The following SH3RF1 variants were observed in gnomAD, a reference collection of about 807,000 sequenced individuals.
SH3RF1 encodes the protein SH3 domain containing ring finger 1.
A neutral mutation model predicts 74.0 loss-of-function variants in SH3RF1; 32 were observed. The observed-to-expected ratio is 0.43, with a 90% CI of 0.33 to 0.58. The LOEUF is 0.58. SH3RF1 is among the 20% of genes least tolerant of loss of function. The pLI, the probability that SH3RF1 is intolerant of heterozygous loss-of-function variation, is 0.05. For synonymous variants in SH3RF1, 396 were observed against 439.6 expected (o/e 0.90, Z 1.24); for missense variants, 954 against 1,130.9 (o/e 0.84, Z 2.24).
At position 169,096,514 on chromosome 4, in the gene SH3RF1, T is replaced by A. The variant is rs776102059; in HGVS notation, c.*5A>T. ...TGATTTTAAGCTTCTTCAGTGTCAG[T>A]CTCCTCATATGTTTTCCACAAAGCT... On this transcript the variant is annotated 3_prime_UTR_variant, in exon 12 of 12. Coordinates refer to ENST00000284637, the MANE Select transcript of SH3RF1 (RefSeq NM_020870.4). 2 of 1,611,816 alleles carry A rather than the reference T, an allele frequency of 1.2e-6. No homozygotes were observed. The highest frequency in any genetic ancestry group is 1.7e-6 in the Non-Finnish European group (2 of 1,179,144).
chr4:169,100,876 G>A (rs771625845), intron 11 of SH3RF1, among the ~76,000 whole-genome samples: 2 of 151,986 alleles, frequency 1.3e-5, no homozygotes, highest in South Asian at 2.1e-4. Flanking sequence ...CTTCCCCCAC[G>A]CCACACCTTG....
intron 4 of SH3RF1, among the ~76,000 whole-genome samples, chr4:169,139,385 T>C (rs879268051): frequency 6.6e-6 from 1 of 152,242 alleles, no homozygotes; most frequent in Admixed American, 6.5e-5. Context: ...CTAGCTACTT[T>C]TGCTCAACAA....
chr4:169,246,425 CG>C (rs1349015877), intron 2 of SH3RF1, among the ~76,000 whole-genome samples: 3 of 152,158 alleles, frequency 2.0e-5, no homozygotes, highest in Non-Finnish European at 4.4e-5. Context: ...TGTGCAACCC[CG>C]CTCATCTGTA....
At chr4:169,244,342 C>G (rs1006976474) in intron 2 of SH3RF1, among the ~76,000 whole-genome samples, 5 of 152,164 alleles carry the variant, frequency 3.3e-5, no homozygotes, top group Non-Finnish European at 7.3e-5. Context: ...AATCTGCAAA[C>G]CCCTCCACAC....
chr4:169,236,817 T>C (rs1002928521), intron 2 of SH3RF1, among the ~76,000 whole-genome samples: 14 of 152,158 alleles, frequency 9.2e-5, no homozygotes, highest in Non-Finnish European at 1.8e-4. Context: ...AAATGCTACA[T>C]ATGTAGGCTC....
intron 2 of SH3RF1, among the ~76,000 whole-genome samples, chr4:169,268,522 G>C (rs1731390457): frequency 6.6e-6 from 1 of 152,092 alleles, no homozygotes. Context: ...TTTAAAATGG[G>C]CACAGAACAA....
intron 2 of SH3RF1, among the ~76,000 whole-genome samples, chr4:169,178,170 G>C (rs1734450870): frequency 6.6e-6 from 1 of 151,580 alleles, no homozygotes; most frequent in African/African-American, 2.4e-5. Context: ...GAACCCAGGA[G>C]GTGGAGTTTG....
At chr4:169,223,928 T>C (rs1187715345) in intron 2 of SH3RF1, among the ~76,000 whole-genome samples, 4 of 152,178 alleles carry the variant, frequency 2.6e-5, no homozygotes, top group Non-Finnish European at 5.9e-5. Flanking sequence ...AGAAGGCCAG[T>C]GTAGCTGGAA....
At chr4:169,115,265 G>A (rs1457897521) in intron 10 of SH3RF1, among the ~76,000 whole-genome samples, 1 of 152,160 alleles carries the variant, frequency 6.6e-6, no homozygotes, top group Admixed American at 6.6e-5. Context: ...ACTGGGCCAT[G>A]GACCAGTACT....
At chr4:169,191,101 C>A (rs573219683) in intron 2 of SH3RF1, among the ~76,000 whole-genome samples, 1 of 152,044 alleles carries the variant, frequency 6.6e-6, no homozygotes, top group Admixed American at 6.6e-5. Context: ...CTATGACAAA[C>A]CCACAGCCAA....
intron 2 of SH3RF1, among the ~76,000 whole-genome samples, chr4:169,221,323 AG>A (rs1425440675): frequency 6.6e-6 from 1 of 152,198 alleles, no homozygotes; most frequent in Admixed American, 6.5e-5. Flanking sequence ...AAAAAAAAAT[AG>A]GTCTCTCCAA....
At chr4:169,228,777 T>C (rs931255705) in intron 2 of SH3RF1, among the ~76,000 whole-genome samples, 6 of 152,206 alleles carry the variant, frequency 3.9e-5, no homozygotes, top group African/African-American at 1.4e-4. Context: ...TATTTTATTT[T>C]TCATACAGAC....
At chr4:169,185,641 A>G (rs534419831) in intron 2 of SH3RF1, among the ~76,000 whole-genome samples, 1 of 152,242 alleles carries the variant, frequency 6.6e-6, no homozygotes, top group African/African-American at 2.4e-5. Context: ...GTGGAGGGAG[A>G]TAAGCTGACT....
In SH3RF1 at chr4:169,096,390, A is replaced by T. The variant is rs1343622737; in HGVS notation, c.*129T>A. On this transcript the variant is annotated 3_prime_UTR_variant, in exon 12 of 12. Transcript: ENST00000284637. ...GCTGGGGTAACTGTGCTGGGGCATC[A>T]GAGTCACATACCAATCCTTTGCTCA... 1.1e-6 allele frequency: 1 copy of T among 943,228 alleles called. No homozygotes were observed. Among genetic ancestry groups the T allele is most frequent in the Non-Finnish European group, 1.6e-6 (1 of 627,010 alleles). 58.4% of individuals were successfully genotyped at this position (943,228 alleles called of 1,614,324 possible). A position where few individuals can be genotyped will look rare whatever the true frequency, so the allele number is the denominator to read the frequency against.
chr4:169,129,384 C>A (rs1045500358), intron 6 of SH3RF1, among the ~76,000 whole-genome samples: 13 of 152,192 alleles, frequency 8.5e-5, no homozygotes, highest in Non-Finnish European at 1.9e-4. Flanking sequence ...TTTTAATTTT[C>A]TTTCCAGAAT....
intron 2 of SH3RF1, among the ~76,000 whole-genome samples, chr4:169,214,106 G>A (rs1730421583): frequency 1.3e-5 from 2 of 152,276 alleles, no homozygotes; most frequent in South Asian, 4.1e-4. Context: ...CTCAATGTTG[G>A]AGGTGGGGCC....
At position 169,120,404 on chromosome 4, in the gene SH3RF1, A is replaced by G. The variant is rs1029380859; in HGVS notation, c.1517+415T>C. Reference sequence around the variant, plus strand: ...CTGTGCCTCAATGTAACAGCAACTAAGAAGTAAGGTTAATCAGTGTAATGC... The same window carrying G: ...CTGTGCCTCAATGTAACAGCAACTAGGAAGTAAGGTTAATCAGTGTAATGC... On this transcript the variant is annotated intron_variant, in intron 8 of 11. Coordinates refer to ENST00000284637, the MANE Select transcript of SH3RF1 (RefSeq NM_020870.4). Among the ~76,000 whole-genome samples the G allele has an allele frequency of 1.3e-5, 2 of 152,226 alleles. 1 individual carries two copies. Among genetic ancestry groups the G allele is most frequent in the South Asian group, 4.1e-4 (2 of 4,834 alleles).
intron 8 of SH3RF1, 131 bp downstream of exon 8, chr4:169,120,688 A>G (rs999166414): frequency 3.6e-5 from 34 of 942,732 alleles, no homozygotes; most frequent in Non-Finnish European, 4.9e-5. Context: ...AGATGTAGAC[A>G]TGGATTTTTA....
chr4:169,137,474 C>T (rs988010931), intron 4 of SH3RF1, among the ~76,000 whole-genome samples: 2 of 152,098 alleles, frequency 1.3e-5, no homozygotes, highest in African/African-American at 4.8e-5. Flanking sequence ...ATATAACTTT[C>T]CCAGATATTA....
Sources: gnomAD v4.1 joint callset for allele counts (sites outside exome capture counted in the v4.1 genomes callset) on GRCh38, gnomAD v4.1.1 for gene constraint, MANE v1.5 for transcripts, NCBI Gene and HGNC (gene_info 2026-07-23, HGNC 2026-07-21) for gene names.